Variants in RIMS2 observed in about 807,000 individuals in gnomAD.
The protein encoded by RIMS2 is regulating synaptic membrane exocytosis 2, also known as regulating synaptic membrane exocytosis protein 2.
In RIMS2, 59 loss-of-function variants were observed where a neutral mutation model predicts 174.4. The ratio of observed to expected loss-of-function variants is 0.34; its 90% confidence interval spans 0.27 to 0.42. RIMS2 has a LOEUF of 0.42. Among genes scored for constraint, RIMS2 ranks in the 10% least tolerant of loss-of-function variants. The pLI, the probability that RIMS2 is intolerant of heterozygous loss-of-function variation, is 1.00. For missense variants in RIMS2, 1,620 were observed against 1,666.3 expected, an observed-to-expected ratio of 0.97 and a Z score of 0.48; for synonymous variants, 606 against 572.5, an observed-to-expected ratio of 1.06 and a Z score of -0.84.
chr8:104,203,021 G>C (rs899645122), intron 19 of RIMS2, among the ~76,000 whole-genome samples: 1 of 152,054 alleles, frequency 6.6e-6, no homozygotes. Context: ...TTCTCTTCAC[G>C]TGAAGTTGTA....
At chr8:103,604,496 C>T (rs2094943555) in intron 1 of RIMS2, among the ~76,000 whole-genome samples, 1 of 151,934 alleles carries the variant, frequency 6.6e-6, no homozygotes, top group African/African-American at 2.4e-5. Context: ...TTTTTTGGTT[C>T]CATATGAACT....
chr8:104,082,594 G>A (rs1473025686), intron 19 of RIMS2, among the ~76,000 whole-genome samples: 3 of 152,032 alleles, frequency 2.0e-5, no homozygotes, highest in Non-Finnish European at 4.4e-5. Context: ...ATATGTATTC[G>A]GAGAAAAGAA....
intron 19 of RIMS2, among the ~76,000 whole-genome samples, chr8:104,217,022 A>G (rs1170981137): frequency 6.6e-6 from 1 of 152,154 alleles, no homozygotes; most frequent in Non-Finnish European, 1.5e-5. Context: ...CCATAATCAA[A>G]ATTAGAATCC....
intron 3 of RIMS2, among the ~76,000 whole-genome samples, chr8:103,771,008 T>C (rs995814549): frequency 2.0e-5 from 3 of 152,242 alleles, no homozygotes; most frequent in Admixed American, 1.3e-4. Context: ...AGTATGTTAC[T>C]CTTTTAAGGA....
chr8:104,227,784 G>A (rs1013785760), intron 19 of RIMS2, among the ~76,000 whole-genome samples: 2 of 152,082 alleles, frequency 1.3e-5, no homozygotes, highest in African/African-American at 4.8e-5. Flanking sequence ...GATCCTATCA[G>A]CTTAATACTA....
chr8:103,897,796 G>T (rs1336180061), intron 4 of RIMS2, among the ~76,000 whole-genome samples: 4 of 151,646 alleles, frequency 2.6e-5, no homozygotes, highest in Non-Finnish European at 4.4e-5. Flanking sequence ...GCCATAAATT[G>T]TATATGGCTT....
At chr8:103,532,962 A>G (rs1837935425) in intron 1 of RIMS2, among the ~76,000 whole-genome samples, 1 of 152,228 alleles carries the variant, frequency 6.6e-6, no homozygotes, top group Non-Finnish European at 1.5e-5. Context: ...TGGGTTTATT[A>G]TGTATTAGTG....
chr8:103,725,090 T>A (rs2097510369), intron 2 of RIMS2, among the ~76,000 whole-genome samples: 1 of 152,154 alleles, frequency 6.6e-6, no homozygotes, highest in African/African-American at 2.4e-5. Flanking sequence ...AAATTTAGTG[T>A]TAAAATACTC....
chr8:103,516,659 G>GTT (rs1417361918), intron 1 of RIMS2, among the ~76,000 whole-genome samples: 8 of 152,086 alleles, frequency 5.3e-5, no homozygotes, highest in African/African-American at 1.9e-4. Flanking sequence ...TTGCAATGTA[G>GTT]TATTCCTACA....
chr8:103,773,364 T>A (rs1279819281), intron 3 of RIMS2, among the ~76,000 whole-genome samples: 1 of 152,214 alleles, frequency 6.6e-6, no homozygotes, highest in Non-Finnish European at 1.5e-5. Context: ...ATAAGCTGTT[T>A]ATAAAAAAAT....
intron 9 of RIMS2, among the ~76,000 whole-genome samples, chr8:103,920,237 TTTC>T (rs1209684474): frequency 3.9e-5 from 6 of 152,120 alleles, no homozygotes; most frequent in Non-Finnish European, 8.8e-5. Context: ...AATAAATTAT[TTTC>T]TTCTTATGGT....
chr8:104,169,315 T>TAC (rs1454612804), intron 19 of RIMS2, among the ~76,000 whole-genome samples: 1 of 66,418 alleles, frequency 1.5e-5, no homozygotes, highest in Non-Finnish European at 2.9e-5. Context: ...TATATATATA[T>TAC]ATATATATAT....
At chr8:104,215,216 C>T (rs949113707) in intron 19 of RIMS2, among the ~76,000 whole-genome samples, 3 of 152,012 alleles carry the variant, frequency 2.0e-5, no homozygotes, top group African/African-American at 7.3e-5. Flanking sequence ...CATTTATATC[C>T]ACTAACATAT....
At chr8:103,566,893 T>C (rs1254165902) in intron 1 of RIMS2, among the ~76,000 whole-genome samples, 1 of 152,198 alleles carries the variant, frequency 6.6e-6, no homozygotes, top group Non-Finnish European at 1.5e-5. Context: ...CTTTCTAGTA[T>C]ATTCTCAGAG....
At chr8:103,782,006 C>T (rs1054813228) in intron 3 of RIMS2, among the ~76,000 whole-genome samples, 6 of 151,914 alleles carry the variant, frequency 3.9e-5, no homozygotes, top group African/African-American at 1.2e-4. Flanking sequence ...CCTCGGCCTC[C>T]CAAAGTGCTT....
chr8:103,752,369 A>T (rs1025894754), intron 2 of RIMS2, among the ~76,000 whole-genome samples: 12 of 152,262 alleles, frequency 7.9e-5, no homozygotes, highest in African/African-American at 2.6e-4. Context: ...TAGTATAGTT[A>T]GAAGTCAGGT....
At chr8:104,215,255 A>G (rs1587606415) in intron 19 of RIMS2, among the ~76,000 whole-genome samples, 1 of 152,338 alleles carries the variant, frequency 6.6e-6, no homozygotes, top group African/African-American at 2.4e-5. Flanking sequence ...GGTAATCAAA[A>G]GAAGTCTTTA....
In RIMS2 at chr8:104,058,626, G is replaced by A. The variant is rs552846562; in HGVS notation, c.3334+44011G>A. On this transcript the variant is annotated intron_variant, in intron 19 of 23. Coordinates refer to ENST00000504942, the Ensembl canonical transcript of RIMS2. ...TGTTGCCATTGCTTTTGGTGTTTTA[G>A]ACATGAAGTCCTTGCCCATGCCTGT... Among the ~76,000 whole-genome samples, 208 of 151,714 alleles carry A rather than the reference G, an allele frequency of 1.4e-3. 1 individual carries two copies. The highest frequency in any genetic ancestry group is 4.8e-3 in the African/African-American group (200 of 41,322).
intron 3 of RIMS2, among the ~76,000 whole-genome samples, chr8:103,869,910 G>A (rs961696090): frequency 4.6e-5 from 7 of 152,144 alleles, no homozygotes; most frequent in African/African-American, 1.7e-4. Context: ...GTGGCAGTTA[G>A]GGGAGGGGAA....
Sources: gnomAD v4.1 joint callset for allele counts (sites outside exome capture counted in the v4.1 genomes callset) on GRCh38, gnomAD v4.1.1 for gene constraint, MANE v1.5 for transcripts, NCBI Gene and HGNC (gene_info 2026-07-23, HGNC 2026-07-21) for gene names.